Variants in KCNIP4 observed in about 807,000 individuals in gnomAD.
The protein encoded by KCNIP4 is Kv channel-interacting protein 4.
A neutral mutation model predicts 34.0 loss-of-function variants in KCNIP4; 12 were observed. The observed-to-expected ratio is 0.35, with a 90% CI of 0.23 to 0.57. KCNIP4 has a LOEUF of 0.57. Ranked by LOEUF, KCNIP4 falls within the 20% of genes least tolerant of loss-of-function variation. The pLI, the probability that KCNIP4 is intolerant of heterozygous loss-of-function variation, is 0.83. For synonymous variants in KCNIP4, 124 were observed against 102.2 expected (o/e 1.21, Z -1.29); for missense variants, 238 against 311.7 (o/e 0.76, Z 1.78).
chr4:20,860,883 A>G (rs577377181), intron 2 of KCNIP4, among the ~76,000 whole-genome samples: 1 of 152,190 alleles, frequency 6.6e-6, no homozygotes, highest in Non-Finnish European at 1.5e-5. Flanking sequence ...ACATCAGGAC[A>G]AAGAAAAAGC....
At chr4:20,945,745 G>C (rs1429790171) in intron 1 of KCNIP4, among the ~76,000 whole-genome samples, 1 of 152,008 alleles carries the variant, frequency 6.6e-6, no homozygotes, top group African/African-American at 2.4e-5. Context: ...AAATAGATGG[G>C]CCCCCCAGGG....
intron 2 of KCNIP4, among the ~76,000 whole-genome samples, chr4:20,879,287 C>G (rs62295424): frequency 0.032 from 4,894 of 152,254 alleles, 111 homozygotes; most frequent in Middle Eastern, 0.068. Flanking sequence ...AATTAATTCT[C>G]ATTAGATGAT....
chr4:21,400,028 T>A, intron 1 of KCNIP4, among the ~76,000 whole-genome samples: 1 of 152,152 alleles, frequency 6.6e-6, no homozygotes, highest in Non-Finnish European at 1.5e-5. Context: ...TTTATCAAGC[T>A]GGTGTTCCAA....
chr4:21,007,037 C>A (rs1560640155), intron 1 of KCNIP4, among the ~76,000 whole-genome samples: 1 of 152,152 alleles, frequency 6.6e-6, no homozygotes, highest in South Asian at 2.1e-4. Context: ...AGAGGGAACA[C>A]TGTTTGAGTC....
rs576122943 is a variant in KCNIP4, at chr4:21,192,915, TCTA to T, written c.62-310209_62-310207del. On this transcript the variant is annotated intron_variant, in intron 1 of 8. Coordinates refer to ENST00000382152, the MANE Select transcript of KCNIP4 (RefSeq NM_025221.6). ...CACCCCCCAGCCCTGCCGCCCCGTCTCTACTACTACTACTACTACTACTACTAC... is the reference window on the plus strand; with the variant it reads ...CACCCCCCAGCCCTGCCGCCCCGTCTCTACTACTACTACTACTACTACTAC... Among the ~76,000 whole-genome samples, 374 of 94,280 alleles carry T rather than the reference TCTA, an allele frequency of 4.0e-3. 2 individuals are homozygous for T. The highest frequency in any genetic ancestry group is 0.014 in the African/African-American group (210 of 14,630). The allele number at this position is 94,280 out of a possible 152,430, so 61.9% of individuals were successfully genotyped here.
At chr4:21,523,259 G>T (rs1165196056) in intron 1 of KCNIP4, among the ~76,000 whole-genome samples, 4 of 152,004 alleles carry the variant, frequency 2.6e-5, no homozygotes, top group African/African-American at 4.8e-5. Flanking sequence ...GACACCTATG[G>T]TCTTTATTTT....
chr4:20,864,114 A>ATG (rs1265934701), intron 2 of KCNIP4, among the ~76,000 whole-genome samples: 21 of 123,086 alleles, frequency 1.7e-4, no homozygotes, highest in Non-Finnish European at 4.1e-4. Context: ...GTATGTATAC[A>ATG]TATCCATGTA....
At chr4:21,198,302 A>C (rs369026805) in intron 1 of KCNIP4, among the ~76,000 whole-genome samples, 3 of 152,218 alleles carry the variant, frequency 2.0e-5, no homozygotes, top group African/African-American at 7.2e-5. Flanking sequence ...CTCTAGAGCC[A>C]CTGCTAGCAT....
chr4:21,477,680 TC>T (rs1437073608), intron 1 of KCNIP4, among the ~76,000 whole-genome samples: 1 of 152,202 alleles, frequency 6.6e-6, no homozygotes, highest in Non-Finnish European at 1.5e-5. Context: ...ATGCTAGTTC[TC>T]ACCAGGCTCC....
Position 21,903,745 on chromosome 4 carries a change from T to G in KCNIP4, c.61+44826A>C, listed in dbSNP as rs1274375117. On this transcript the variant is annotated intron_variant, in intron 1 of 8. Coordinates refer to ENST00000382152, the MANE Select transcript of KCNIP4 (RefSeq NM_025221.6). Reference sequence around the variant, plus strand: ...AAATGGGAAAAGAACTATTGAATCATAAATGGAAGAACCATTAGGAAGTTA... The same window carrying G: ...AAATGGGAAAAGAACTATTGAATCAGAAATGGAAGAACCATTAGGAAGTTA... 2.0e-5 allele frequency among the ~76,000 whole-genome samples: 3 copies of G among 152,132 alleles called. No homozygotes were observed. In the East Asian group the frequency reaches 5.8e-4, roughly 29 times the overall value.
intron 1 of KCNIP4, among the ~76,000 whole-genome samples, chr4:21,830,906 G>A (rs187469518): frequency 4.2e-4 from 64 of 152,156 alleles, no homozygotes; most frequent in Non-Finnish European, 7.6e-4. Context: ...CATATGTTAC[G>A]TCCCAAAAGA....
intron 1 of KCNIP4, among the ~76,000 whole-genome samples, chr4:21,155,013 T>A (rs993578382): frequency 1.3e-5 from 2 of 152,192 alleles, no homozygotes; most frequent in African/African-American, 4.8e-5. Flanking sequence ...ATCTTCTTTT[T>A]ATATACTCCT....
intron 1 of KCNIP4, among the ~76,000 whole-genome samples, chr4:21,450,605 C>G (rs1265783281): frequency 6.6e-6 from 1 of 151,946 alleles, no homozygotes; most frequent in African/African-American, 2.4e-5. Flanking sequence ...AGGAAGAAAG[C>G]AACAGCAGCA....
At position 20,736,526 on chromosome 4, in the gene KCNIP4, T is replaced by C. The variant is rs545284652; in HGVS notation, c.430-1791A>G. Among the ~76,000 whole-genome samples, 301 of 152,336 alleles carry C rather than the reference T, an allele frequency of 2.0e-3. 1 individual carries two copies. The highest frequency in any genetic ancestry group is 0.01 in the Middle Eastern group (3 of 294). On this transcript the variant is annotated intron_variant, in intron 5 of 8. Transcript: ENST00000382152. ...TTCTTCTGGGTTTTCATGTGTGCAATATTAGCTGCAAATGGAATTAATTTT... is the reference window on the plus strand; with the variant it reads ...TTCTTCTGGGTTTTCATGTGTGCAACATTAGCTGCAAATGGAATTAATTTT...
chr4:21,272,434 G>C (rs1276172703), intron 1 of KCNIP4, among the ~76,000 whole-genome samples: 3 of 152,136 alleles, frequency 2.0e-5, no homozygotes, highest in African/African-American at 7.2e-5. Flanking sequence ...TCAGTCATCA[G>C]ATCTTCATGG....
intron 1 of KCNIP4, among the ~76,000 whole-genome samples, chr4:21,681,538 T>A (rs1750354059): frequency 6.6e-6 from 1 of 152,206 alleles, no homozygotes; most frequent in African/African-American, 2.4e-5. Context: ...TGCACTTTTG[T>A]GGTATGGATA....
chr4:21,250,784 C>T (rs539310880), intron 1 of KCNIP4, among the ~76,000 whole-genome samples: 1 of 151,556 alleles, frequency 6.6e-6, no homozygotes, highest in East Asian at 1.9e-4. Flanking sequence ...GTACTTAAAG[C>T]GAGGATGGGA....
intron 1 of KCNIP4, among the ~76,000 whole-genome samples, chr4:21,111,425 A>G (rs1414617589): frequency 6.6e-6 from 1 of 152,234 alleles, no homozygotes; most frequent in Non-Finnish European, 1.5e-5. Context: ...AATCCCAAAC[A>G]GATTTAGAGA....
intron 1 of KCNIP4, among the ~76,000 whole-genome samples, chr4:21,525,623 A>T (rs1735907027): frequency 1.3e-5 from 2 of 152,184 alleles, no homozygotes; most frequent in South Asian, 4.1e-4. Context: ...AAAGGATAAG[A>T]ATACAGCAGT....
Sources: gnomAD v4.1 joint callset for allele counts (sites outside exome capture counted in the v4.1 genomes callset) on GRCh38, gnomAD v4.1.1 for gene constraint, MANE v1.5 for transcripts, NCBI Gene and HGNC (gene_info 2026-07-23, HGNC 2026-07-21) for gene names.